The following CYP2C19 variants were observed in gnomAD, a reference collection of about 807,000 sequenced individuals.
CYP2C19 encodes cytochrome P450 family 2 subfamily C member 19, also known as cytochrome P450 2C19.
A neutral mutation model predicts 40.9 loss-of-function variants in CYP2C19; 59 were observed. That is an observed-to-expected ratio of 1.44 (90% CI 1.17 to 1.79). The LOEUF (loss-of-function observed/expected upper bound fraction) is 1.79, where lower values mean the gene tolerates loss of function less well. Among genes scored for constraint, CYP2C19 ranks in the 40% most tolerant of loss-of-function variants. The probability of loss-of-function intolerance (pLI) is 0.00; values close to 1 mark genes in which losing one functional copy is unlikely to be tolerated. For synonymous variants in CYP2C19, 253 were observed against 208.7 expected, an observed-to-expected ratio of 1.21 and a Z score of -1.83; for missense variants, 754 against 596.9, an observed-to-expected ratio of 1.26 and a Z score of -2.74.
intron 5 of CYP2C19, among the ~76,000 whole-genome samples, chr10:94,807,590 G>C (rs567161548): frequency 6.6e-6 from 1 of 152,042 alleles, no homozygotes; most frequent in Non-Finnish European, 1.5e-5. Flanking sequence ...ATTCTAACTG[G>C]AGTGAGCTGA....
chr10:94,846,862 A>C (rs1849579395), intron 7 of CYP2C19, among the ~76,000 whole-genome samples: 1 of 151,346 alleles, frequency 6.6e-6, no homozygotes, highest in Admixed American at 6.6e-5. Context: ...TTAATCTGTA[A>C]TGAATATCTC....
chr10:94,840,714 G>A (rs1849481302), intron 6 of CYP2C19, among the ~76,000 whole-genome samples: 1 of 152,238 alleles, frequency 6.6e-6, no homozygotes, highest in African/African-American at 2.4e-5. Context: ...ACTGCCAGGA[G>A]TTCGGGACAA....
intron 5 of CYP2C19, among the ~76,000 whole-genome samples, chr10:94,783,781 T>G (rs1030645397): frequency 8.5e-5 from 13 of 152,162 alleles, no homozygotes; most frequent in African/African-American, 3.1e-4. Flanking sequence ...TTCACTATTC[T>G]GGGTCCCTTG....
intron 3 of CYP2C19, among the ~76,000 whole-genome samples, chr10:94,776,602 G>T (rs1435750071): frequency 6.6e-6 from 1 of 152,040 alleles, no homozygotes; most frequent in Non-Finnish European, 1.5e-5. Context: ...ACTATTTAGG[G>T]CCTATAGGTG....
At chr10:94,775,268 G>C (rs1163276252) in intron 2 of CYP2C19, 48 bp downstream of exon 2, 2 of 1,613,310 alleles carry the variant, frequency 1.2e-6, no homozygotes, top group African/African-American at 2.7e-5. Flanking sequence ...GGATGGGGAG[G>C]ATGGAAAACA....
intron 5 of CYP2C19, among the ~76,000 whole-genome samples, chr10:94,800,343 C>G (rs996848953): frequency 6.6e-6 from 1 of 152,090 alleles, no homozygotes; most frequent in African/African-American, 2.4e-5. Context: ...GGCTGCAGAA[C>G]AGCAAATATT....
chr10:94,774,807 C>G, intron 1 of CYP2C19: 1 of 486,000 alleles, frequency 2.1e-6, no homozygotes, highest in Non-Finnish European at 3.7e-6. Context: ...AATAGACCTG[C>G]TGAATATGTT....
At chr10:94,802,454 C>T (rs1848779350) in intron 5 of CYP2C19, among the ~76,000 whole-genome samples, 1 of 152,026 alleles carries the variant, frequency 6.6e-6, no homozygotes, top group African/African-American at 2.4e-5. Context: ...TCCTCCATCC[C>T]TTTATTTTGA....
At chr10:94,828,828 T>A (rs1849276103) in intron 6 of CYP2C19, among the ~76,000 whole-genome samples, 2 of 152,172 alleles carry the variant, frequency 1.3e-5, no homozygotes, top group Non-Finnish European at 2.9e-5. Context: ...TGATTAGTGC[T>A]TCCTTCAGGA....
rs146014857 is a variant in CYP2C19, at chr10:94,841,086, G to C, written c.962-1751G>C. Among the ~76,000 whole-genome samples, 473 of 152,292 alleles carry C rather than the reference G, an allele frequency of 3.1e-3. 2 individuals are homozygous for C. The highest frequency in any genetic ancestry group is 0.011 in the African/African-American group (450 of 41,564). Reference sequence around the variant, plus strand: ...CAAGATGGTGGTGGGCCACTTCCAAGATGGTGGCAAGCTTCGTGTTCTCTG... The same window carrying C: ...CAAGATGGTGGTGGGCCACTTCCAACATGGTGGCAAGCTTCGTGTTCTCTG... On this transcript the variant is annotated intron_variant, in intron 6 of 8. Transcript: ENST00000371321.
intron 5 of CYP2C19, among the ~76,000 whole-genome samples, chr10:94,791,395 T>C (rs1484305037): frequency 6.6e-6 from 1 of 152,156 alleles, no homozygotes; most frequent in Non-Finnish European, 1.5e-5. Flanking sequence ...AGTTATTTCT[T>C]GTCTTCTGCT....
chr10:94,786,245 G>T (rs1222767016), intron 5 of CYP2C19, among the ~76,000 whole-genome samples: 1 of 152,046 alleles, frequency 6.6e-6, no homozygotes, highest in Non-Finnish European at 1.5e-5. Flanking sequence ...ATATGAATTG[G>T]ACAATCAACT....
chr10:94,834,125 A>C (rs1450977213), intron 6 of CYP2C19, among the ~76,000 whole-genome samples: 1 of 152,126 alleles, frequency 6.6e-6, no homozygotes, highest in African/African-American at 2.4e-5. Context: ...GAAGCCATCA[A>C]GTCTTGGGGT....
intron 6 of CYP2C19, among the ~76,000 whole-genome samples, chr10:94,840,701 G>A (rs1318873070): frequency 6.6e-6 from 1 of 152,212 alleles, no homozygotes; most frequent in African/African-American, 2.4e-5. Flanking sequence ...ATCTCAACCG[G>A]CTACTGCCAG....
At chr10:94,777,956 G>GAAA (rs1440290689) in intron 3 of CYP2C19, among the ~76,000 whole-genome samples, 1 of 151,138 alleles carries the variant, frequency 6.6e-6, no homozygotes, top group South Asian at 2.1e-4. Context: ...AAGAAAAAAA[G>GAAA]AAAACAACAA....
At chr10:94,847,034 C>A (rs1849582264) in intron 7 of CYP2C19, among the ~76,000 whole-genome samples, 2 of 151,680 alleles carry the variant, frequency 1.3e-5, no homozygotes, top group African/African-American at 2.4e-5. Flanking sequence ...CTGGCCATTT[C>A]CCATGTCAAC....
At chr10:94,809,369 C>A (rs1366888084) in intron 5 of CYP2C19, among the ~76,000 whole-genome samples, 5 of 152,102 alleles carry the variant, frequency 3.3e-5, no homozygotes, top group Non-Finnish European at 5.9e-5. Context: ...CAATTATTTT[C>A]TTCCTATCTG....
In CYP2C19 at chr10:94,854,669, C is replaced by G. The variant is rs1030657913; in HGVS notation, c.*1755C>G. Reference sequence around the variant, plus strand: ...TGTGTGTGTACATTATGTGCATTCACACATAATATATATATGTATAACTTA... The same window carrying G: ...TGTGTGTGTACATTATGTGCATTCAGACATAATATATATATGTATAACTTA... On this transcript the variant is annotated 3_prime_UTR_variant, in exon 9 of 9. Transcript: ENST00000371321. Among the ~76,000 whole-genome samples, 1 of 151,968 alleles carries G rather than the reference C, an allele frequency of 6.6e-6. No homozygotes were observed. Among genetic ancestry groups the G allele is most frequent in the Non-Finnish European group, 1.5e-5 (1 of 68,018 alleles).
At chr10:94,808,149 G>A (rs1004879922) in intron 5 of CYP2C19, among the ~76,000 whole-genome samples, 3 of 151,918 alleles carry the variant, frequency 2.0e-5, no homozygotes, top group Admixed American at 6.6e-5. Flanking sequence ...GAATGTTCTT[G>A]GTGCCTTGTC....
Sources: gnomAD v4.1 joint callset for allele counts (sites outside exome capture counted in the v4.1 genomes callset) on GRCh38, gnomAD v4.1.1 for gene constraint, MANE v1.5 for transcripts, NCBI Gene and HGNC (gene_info 2026-07-23, HGNC 2026-07-21) for gene names.